The following BTBD1 variants were observed in gnomAD, a reference collection of about 807,000 sequenced individuals.
The protein encoded by BTBD1 is BTB domain containing 1.
A neutral mutation model predicts 48.0 loss-of-function variants in BTBD1; 34 were observed. That is an observed-to-expected ratio of 0.71 (90% CI 0.54 to 0.94). The LOEUF (loss-of-function observed/expected upper bound fraction) is 0.94. Ranked by LOEUF, BTBD1 falls within the 40% of genes least tolerant of loss-of-function variation. BTBD1 has a pLI of 0.00. For missense variants in BTBD1, 543 were observed against 625.6 expected, an observed-to-expected ratio of 0.87 and a Z score of 1.41; for synonymous variants, 261 against 242.1, an observed-to-expected ratio of 1.08 and a Z score of -0.72.
Position 83,033,729 on chromosome 15 carries a change from C to CGT in BTBD1, c.863-3402_863-3401insAC, listed in dbSNP as rs1457804039. On this transcript the variant is annotated intron_variant, in intron 4 of 7. Transcript: ENST00000261721. ...GGTAGCTGGGACTACAGGTGTGTAC[C>CGT]ACCACTCCAGGCTAATTTTTAAATT... Among the ~76,000 whole-genome samples the CGT allele has an allele frequency of 2.0e-5, 3 of 151,986 alleles. No individual in the cohort carries two copies. The East Asian group carries it at 5.8e-4, about 29-fold the overall frequency.
At chr15:83,030,394 C>A in intron 4 of BTBD1, 66 bp from the exon 5 acceptor site, 1 of 1,358,254 alleles carries the variant, frequency 7.4e-7, no homozygotes, top group South Asian at 1.3e-5. Context: ...TTGGAATTCA[C>A]TTAACGTAAA....
chr15:83,045,633 C>T (rs1338956781), intron 3 of BTBD1, among the ~76,000 whole-genome samples: 2 of 152,234 alleles, frequency 1.3e-5, no homozygotes, highest in Middle Eastern at 3.4e-3. Flanking sequence ...ACAGGAGAGG[C>T]TTAATACCAT....
At chr15:83,051,677 C>T (rs969096745) in intron 2 of BTBD1, among the ~76,000 whole-genome samples, 1 of 151,320 alleles carries the variant, frequency 6.6e-6, no homozygotes, top group Admixed American at 6.6e-5. Context: ...GCAATTTTCC[C>T]TCAAACTATT....
chr15:83,042,348 TTATATATATA>T lies in BTBD1; in HGVS notation c.665-433_665-424del, dbSNP rs61294242. 7.0e-4 allele frequency among the ~76,000 whole-genome samples: 77 copies of T among 109,880 alleles called. 4 individuals carry two copies. Among genetic ancestry groups the T allele is most frequent in the African/African-American group, 1.1e-3 (29 of 26,948 alleles). 72.1% of individuals were successfully genotyped at this position (109,880 alleles called of 152,430 possible). A position where few individuals can be genotyped will look rare whatever the true frequency, so the allele number is the denominator to read the frequency against. On this transcript the variant is annotated intron_variant, in intron 3 of 7. Transcript: ENST00000261721. ...ACGTGCCAGGTACTATTAGGCAATTTTATATATATATATATATATATATATATATGTATGT... is the reference window on the plus strand; with the variant it reads ...ACGTGCCAGGTACTATTAGGCAATTTTATATATATATATATATATGTATGT...
chr15:83,020,594 T>G, intron 6 of BTBD1, 81 bp downstream of exon 6: 1 of 934,608 alleles, frequency 1.1e-6, no homozygotes, highest in East Asian at 2.5e-5. Flanking sequence ...ATATTGAAAT[T>G]TGGATTCTGT....
At chr15:83,049,907 A>T (rs1182393365) in intron 3 of BTBD1, among the ~76,000 whole-genome samples, 166 bp downstream of exon 3, 1 of 152,218 alleles carries the variant, frequency 6.6e-6, no homozygotes, top group East Asian at 1.9e-4. Context: ...GCTAGTTAAG[A>T]CTTTTAGAAA....
At chr15:83,019,327 G>A (rs1256003446) in intron 6 of BTBD1, among the ~76,000 whole-genome samples, 1 of 151,892 alleles carries the variant, frequency 6.6e-6, no homozygotes, top group East Asian at 1.9e-4. Context: ...CTCCCAAAGT[G>A]CTGGTGTGAG....
In BTBD1 at chr15:83,017,278, C is replaced by T. The variant is rs1186502600; in HGVS notation, c.*789G>A. The T allele has an allele frequency of 1.3e-5, 2 of 152,544 alleles. No individual in the cohort carries two copies. Among genetic ancestry groups the T allele is most frequent in the Non-Finnish European group, 2.9e-5 (2 of 68,034 alleles). The allele number at this position is 152,544 out of a possible 1,614,324, so 9.4% of individuals were successfully genotyped here. ...TGGCTGTTCACCCAGTCGTCATCAC[C>T]GTCATCATCTCAATCTTGGGAATCA... is the stretch of plus-strand genomic sequence containing the variant. On this transcript the variant is annotated 3_prime_UTR_variant, in exon 8 of 8. Transcript: ENST00000261721.
intron 1 of BTBD1, among the ~76,000 whole-genome samples, chr15:83,063,713 T>C (rs909290131): frequency 6.6e-6 from 1 of 152,164 alleles, no homozygotes; most frequent in Non-Finnish European, 1.5e-5. Context: ...CCCTGCACCA[T>C]CCTGTCTGGC....
chr15:83,047,031 T>C (rs1222832004), intron 3 of BTBD1, among the ~76,000 whole-genome samples: 1 of 152,228 alleles, frequency 6.6e-6, no homozygotes, highest in Non-Finnish European at 1.5e-5. Context: ...TCAGTCCAGT[T>C]AATCAACAAA....
chr15:83,061,490 T>A (rs2033175788), intron 1 of BTBD1: 1 of 152,244 alleles, frequency 6.6e-6, no homozygotes, highest in Non-Finnish European at 1.5e-5. Flanking sequence ...TACATAGATC[T>A]GTCCCATGAT....
intron 4 of BTBD1, among the ~76,000 whole-genome samples, chr15:83,037,107 CAAGTAT>C (rs1046285778): frequency 6.0e-5 from 9 of 151,026 alleles, no homozygotes; most frequent in African/African-American, 1.9e-4. Context: ...AAAATTGGAA[CAAGTAT>C]AAGTCAGAAA....
At chr15:83,023,385 TA>T (rs2032338228) in intron 5 of BTBD1, among the ~76,000 whole-genome samples, 1 of 152,164 alleles carries the variant, frequency 6.6e-6, no homozygotes, top group Admixed American at 6.6e-5. Flanking sequence ...AAAAAATTTT[TA>T]TTTTTTTTAT....
chr15:83,057,045 T>A (rs1012620694), intron 1 of BTBD1, among the ~76,000 whole-genome samples: 36 of 152,120 alleles, frequency 2.4e-4, no homozygotes, highest in African/African-American at 8.0e-4. Flanking sequence ...GCACAGTCCC[T>A]CATGGCCAAA....
chr15:83,065,023 T>C (rs1341560452), intron 1 of BTBD1, among the ~76,000 whole-genome samples: 2 of 152,242 alleles, frequency 1.3e-5, no homozygotes, highest in Non-Finnish European at 2.9e-5. Flanking sequence ...TTGTTCCATG[T>C]CTTTTCACGT....
intron 1 of BTBD1, among the ~76,000 whole-genome samples, chr15:83,063,165 C>T (rs2033203092): frequency 6.6e-6 from 1 of 152,180 alleles, no homozygotes; most frequent in African/African-American, 2.4e-5. Flanking sequence ...ACAGCTGCTT[C>T]TCAGTTTCAT....
rs1245568258 is a variant in BTBD1, at chr15:83,056,405, A to C, written c.542T>G (p.Phe181Cys). ...LTKHLRADNA[F>C]MLLTQARLFD... ...TTTACTTACCTGAGTAAGTAACATA[A>C]AGGCATTATCTGCCCTAAGATGTTT... The change falls in exon 2 of 8, where the codon TTT becomes TGT. Residue 181 changes from phenylalanine to cysteine, a missense_variant. This residue lies in a region of BTBD1 where 70 missense variants were observed against 111.7 expected (regional missense o/e 0.63). Coordinates refer to ENST00000261721, the MANE Select transcript of BTBD1 (RefSeq NM_025238.4). 6.2e-7 allele frequency: 1 copy of C among 1,613,386 alleles called. No homozygotes were observed.
At chr15:83,043,107 G>C (rs2032799954) in intron 3 of BTBD1, among the ~76,000 whole-genome samples, 1 of 152,198 alleles carries the variant, frequency 6.6e-6, no homozygotes, top group African/African-American at 2.4e-5. Flanking sequence ...TCATGCCATT[G>C]TACTCCAGCC....
In BTBD1 at chr15:83,019,361, T is replaced by G. The variant is rs1872641933; in HGVS notation, c.1144-508A>C. ...AGCCACTGCGCCCAGCCCTAATTTT[T>G]CATTTTTTTTGTAGAGATGGGATCG... On this transcript the variant is annotated intron_variant, in intron 6 of 7. Coordinates refer to ENST00000261721, the MANE Select transcript of BTBD1 (RefSeq NM_025238.4). Among the ~76,000 whole-genome samples the G allele has an allele frequency of 3.9e-5, 6 of 151,900 alleles. No individual in the cohort carries two copies. In the South Asian group the frequency reaches 1.2e-3, roughly 32 times the overall value.
Sources: allele counts gnomAD v4.1 joint callset (sites outside exome capture counted in the v4.1 genomes callset), GRCh38; gene constraint gnomAD v4.1.1; regional missense constraint gnomAD v4.1.1; transcripts MANE v1.5; gene names NCBI Gene and HGNC (gene_info 2026-07-23, HGNC 2026-07-21).